Variants in PNKD observed in about 807,000 individuals in gnomAD.
PNKD encodes the protein PNKD metallo-beta-lactamase domain containing.
A neutral mutation model predicts 45.3 loss-of-function variants in PNKD; 36 were observed. That is an observed-to-expected ratio of 0.80 (90% CI 0.61 to 1.05). The LOEUF is 1.05. Ranked by LOEUF, PNKD falls within the 50% of genes least tolerant of loss-of-function variation. The pLI is 0.00. For synonymous variants in PNKD, 197 were observed against 210.1 expected, an observed-to-expected ratio of 0.94 and a Z score of 0.54; for missense variants, 511 against 506.6, an observed-to-expected ratio of 1.01 and a Z score of -0.08.
intron 2 of PNKD, chr2:218,277,377 A>C: frequency 1.2e-6 from 2 of 1,614,146 alleles, no homozygotes; most frequent in Non-Finnish European, 1.7e-6. Context: ...TTGGTCTGAA[A>C]GCAGAAGATG....
At chr2:218,296,496 C>G (rs910044000) in intron 2 of PNKD, among the ~76,000 whole-genome samples, 1 of 152,070 alleles carries the variant, frequency 6.6e-6, no homozygotes, top group African/African-American at 2.4e-5. Flanking sequence ...TTAATTGGAG[C>G]GGTGGATCCA....
At chr2:218,315,267 A>G (rs991029838) in intron 2 of PNKD, among the ~76,000 whole-genome samples, 4 of 151,102 alleles carry the variant, frequency 2.6e-5, no homozygotes, top group African/African-American at 9.8e-5. Context: ...CCAGCCTCCC[A>G]AGTAGCTGGG....
chr2:218,338,970 G>T lies in PNKD; in HGVS notation c.237-813G>T, dbSNP rs371302330. Among the ~76,000 whole-genome samples the T allele has an allele frequency of 4.7e-3, 702 of 148,442 alleles. 8 individuals carry two copies. Among genetic ancestry groups the T allele is most frequent in the African/African-American group, 0.016 (658 of 40,342 alleles). ...ACCACGCCCAGCTATTCTTTTTTTT[G>T]TGTGTGTAGAGACCCTATAGGGCAC... On this transcript the variant is annotated intron_variant, in intron 2 of 9. Transcript: ENST00000273077.
intron 2 of PNKD, among the ~76,000 whole-genome samples, chr2:218,301,496 A>G (rs969563970): frequency 2.0e-5 from 3 of 152,192 alleles, no homozygotes; most frequent in African/African-American, 7.2e-5. Flanking sequence ...GGCTAGAAAA[A>G]GGGAGCCTTG....
intron 2 of PNKD, among the ~76,000 whole-genome samples, chr2:218,318,956 T>TC (rs1559522930): frequency 1.7e-5 from 2 of 115,260 alleles, no homozygotes; most frequent in African/African-American, 7.7e-5. Context: ...TTTTCTTTTT[T>TC]TTTTTTTTTT....
At chr2:218,313,445 A>T (rs1315523047) in intron 2 of PNKD, among the ~76,000 whole-genome samples, 1 of 152,116 alleles carries the variant, frequency 6.6e-6, no homozygotes, top group African/African-American at 2.4e-5. Flanking sequence ...TATAGTCTTT[A>T]TTGATGTTGA....
At position 218,337,267 on chromosome 2, in the gene PNKD, G is replaced by T. The variant is rs190841253; in HGVS notation, c.237-2516G>T. On this transcript the variant is annotated intron_variant, in intron 2 of 9. Coordinates refer to ENST00000273077, the MANE Select transcript of PNKD (RefSeq NM_015488.5). ...TTTTTGTAGTTTTAGTAGAGATGGG[G>T]TTTCACTATCTTGGCCAGGCTGGTC... Among the ~76,000 whole-genome samples, 738 of 152,200 alleles carry T rather than the reference G, an allele frequency of 4.8e-3. 7 individuals are homozygous for T. The highest frequency in any genetic ancestry group is 4.4e-3 in the Non-Finnish European group (297 of 68,012).
chr2:218,337,585 T>C (rs969666294), intron 2 of PNKD, among the ~76,000 whole-genome samples: 4 of 152,244 alleles, frequency 2.6e-5, no homozygotes, highest in Non-Finnish European at 5.9e-5. Context: ...TCTGTCTTTG[T>C]GCACTTGAAG....
intron 2 of PNKD, among the ~76,000 whole-genome samples, chr2:218,328,929 C>T (rs564923858): frequency 2.6e-5 from 4 of 152,076 alleles, no homozygotes; most frequent in African/African-American, 9.6e-5. Flanking sequence ...GCCTTGGGGC[C>T]GGGCACAGTG....
intron 2 of PNKD, chr2:218,290,106 G>C (rs1188180528): frequency 6.6e-6 from 1 of 152,160 alleles, no homozygotes; most frequent in East Asian, 1.9e-4. Flanking sequence ...CACCTAGCCA[G>C]GCATTTCCCA....
At position 218,326,935 on chromosome 2, in the gene PNKD, A is replaced by G. The variant is rs1475677474; in HGVS notation, c.237-12848A>G. ...TGGCAAGCTCCCCAGAAGCAGCACA[A>G]TATGCCTGGGGAGTCAGATCAGGAA... On this transcript the variant is annotated intron_variant, in intron 2 of 9. Transcript: ENST00000273077. This position sits in a 1 kb window ranked among gnomAD's most constrained non-coding sequence, Gnocchi z 4.1. The G allele has an allele frequency of 1.3e-5, 2 of 152,358 alleles. No homozygotes were observed. The highest frequency in any genetic ancestry group is 6.5e-5 in the Admixed American group (1 of 15,272). 9.4% of individuals were successfully genotyped at this position (152,358 alleles called of 1,614,324 possible). A position where few individuals can be genotyped will look rare whatever the true frequency, so the allele number is the denominator to read the frequency against.
chr2:218,310,592 CTT>C (rs58558174), intron 2 of PNKD, among the ~76,000 whole-genome samples: 11 of 115,726 alleles, frequency 9.5e-5, no homozygotes, highest in Admixed American at 3.9e-4. Flanking sequence ...TGCTTTATTG[CTT>C]TTTTTTTTTT....
At position 218,279,153 on chromosome 2, in the gene PNKD, C is replaced by G. The variant is rs374142777; in HGVS notation, c.236+7604C>G. ...GGCTTGTCTGCCCCACCCAGGCCAG[C>G]CAGGCAGCCCTGGCTTCACCTTCTC... On this transcript the variant is annotated intron_variant, in intron 2 of 9. Coordinates refer to ENST00000273077, the MANE Select transcript of PNKD (RefSeq NM_015488.5). The G allele has an allele frequency of 2.6e-5, 41 of 1,606,866 alleles. No homozygotes were observed. In the African/African-American group the frequency reaches 4.5e-4, roughly 18 times the overall value.
chr2:218,319,554 T>C (rs550923716), intron 2 of PNKD, among the ~76,000 whole-genome samples: 2 of 151,850 alleles, frequency 1.3e-5, no homozygotes, highest in South Asian at 4.2e-4. Flanking sequence ...TTTTGTATCT[T>C]TAGTAGAGAC....
At chr2:218,271,671 T>C (rs918505271) in intron 2 of PNKD, 122 bp downstream of exon 2, 5 of 814,456 alleles carry the variant, frequency 6.1e-6, no homozygotes, top group African/African-American at 1.7e-5. Context: ...ACAGAATTGT[T>C]GGGTTCGATT....
chr2:218,309,731 A>C (rs750061211), intron 2 of PNKD, among the ~76,000 whole-genome samples: 3 of 151,788 alleles, frequency 2.0e-5, no homozygotes, highest in Admixed American at 6.6e-5. Flanking sequence ...CAGGAGTTTG[A>C]GATCAGCCTG....
intron 2 of PNKD, among the ~76,000 whole-genome samples, chr2:218,310,281 G>A (rs942159472): frequency 2.6e-5 from 4 of 152,290 alleles, no homozygotes; most frequent in Middle Eastern, 3.4e-3. Flanking sequence ...GGAGTGCAGT[G>A]GTGCAATCAT....
chr2:218,279,506 C>T, intron 2 of PNKD: 1 of 606,462 alleles, frequency 1.6e-6, no homozygotes. Flanking sequence ...GGCTCAGAGG[C>T]AATGTGCACT....
chr2:218,272,814 C>G, intron 2 of PNKD: 2 of 1,612,912 alleles, frequency 1.2e-6, no homozygotes, highest in Non-Finnish European at 1.7e-6. Context: ...CAGGTTTGGC[C>G]CAGATTCCAG....
Sources: gnomAD v4.1 joint callset for allele counts (sites outside exome capture counted in the v4.1 genomes callset) on GRCh38, gnomAD v4.1.1 for gene constraint, Gnocchi (gnomAD v3.1) non-coding constraint, MANE v1.5 for transcripts, NCBI Gene and HGNC (gene_info 2026-07-23, HGNC 2026-07-21) for gene names.